ATP2C2: variants seen among roughly 807,000 people sequenced by gnomAD.
ATP2C2 encodes the protein ATPase secretory pathway Ca2+ transporting 2, also known as calcium-transporting ATPase type 2C member 2.
In ATP2C2, 171 loss-of-function variants were observed where a neutral mutation model predicts 110.8. The observed-to-expected ratio is 1.54, with a 90% CI of 1.36 to 1.75. The LOEUF is 1.75. ATP2C2 is among the 40% of genes most tolerant of loss of function. The pLI is 0.00. For synonymous variants in ATP2C2, 804 were observed against 508.4 expected (o/e 1.58, Z -7.82); for missense variants, 1,963 against 1,235.0 (o/e 1.59, Z -8.84).
intron 16 of ATP2C2, 84 bp from the exon 17 acceptor site, chr16:84,448,449 G>T: frequency 6.8e-7 from 1 of 1,471,982 alleles, no homozygotes; most frequent in South Asian, 1.4e-5. Flanking sequence ...GTGTGTCTTT[G>T]TAACCTTGTG....
intron 16 of ATP2C2, 84 bp from the exon 17 acceptor site, chr16:84,448,449 G>A (rs543572557): frequency 6.8e-7 from 1 of 1,471,982 alleles, no homozygotes; most frequent in African/African-American, 1.4e-5. Flanking sequence ...GTGTGTCTTT[G>A]TAACCTTGTG....
At chr16:84,416,890 A>G (rs1287816005) in intron 7 of ATP2C2, among the ~76,000 whole-genome samples, 3 of 150,892 alleles carry the variant, frequency 2.0e-5, no homozygotes, top group African/African-American at 4.9e-5. Flanking sequence ...CTGGGCTCAC[A>G]TTTTCCACGT....
intron 15 of ATP2C2, among the ~76,000 whole-genome samples, chr16:84,444,849 A>G (rs187042902): frequency 7.9e-5 from 12 of 152,358 alleles, no homozygotes; most frequent in Admixed American, 5.9e-4. Flanking sequence ...TGTGACAGGC[A>G]TGGGGCAAGC....
chr16:84,385,907 C>G (rs927078120), intron 1 of ATP2C2, among the ~76,000 whole-genome samples: 10 of 152,200 alleles, frequency 6.6e-5, no homozygotes, highest in African/African-American at 2.2e-4. Context: ...GGTGGGGACA[C>G]AGAGCCAGGC....
chr16:84,427,119 ACAGTAACGCACACG>A (rs1157361149), intron 11 of ATP2C2, among the ~76,000 whole-genome samples: 1 of 152,196 alleles, frequency 6.6e-6, no homozygotes, highest in Admixed American at 6.5e-5. Context: ...TGGTTCCCAG[ACAGTAACGCACACG>A]CAGCTGCTGT....
intron 11 of ATP2C2, among the ~76,000 whole-genome samples, chr16:84,434,916 C>T (rs1908604490): frequency 6.6e-6 from 1 of 152,206 alleles, no homozygotes; most frequent in Non-Finnish European, 1.5e-5. Context: ...GGATGAAAGT[C>T]CCCGTCGTAA....
intron 7 of ATP2C2, among the ~76,000 whole-genome samples, chr16:84,418,758 C>A (rs188035486): frequency 6.6e-6 from 1 of 152,342 alleles, no homozygotes; most frequent in East Asian, 1.9e-4. Flanking sequence ...CAGACTCTTC[C>A]TGGCACTGCC....
At chr16:84,423,708 C>A (rs1907557417) in intron 10 of ATP2C2, among the ~76,000 whole-genome samples, 1 of 152,270 alleles carries the variant, frequency 6.6e-6, no homozygotes, top group South Asian at 2.1e-4. Flanking sequence ...AAGGCATAGA[C>A]CAGGAAGTGG....
chr16:84,383,633 G>A (rs1462648900), intron 1 of ATP2C2, among the ~76,000 whole-genome samples: 1 of 152,060 alleles, frequency 6.6e-6, no homozygotes, highest in African/African-American at 2.4e-5. Context: ...GGGTCTCTCA[G>A]CATCGTCAGT....
intron 11 of ATP2C2, among the ~76,000 whole-genome samples, chr16:84,435,275 C>T (rs1445651449): frequency 1.3e-5 from 2 of 152,172 alleles, no homozygotes; most frequent in Admixed American, 6.5e-5. Context: ...GATTAATTGG[C>T]AGTGTTTATT....
chr16:84,447,860 T>C (rs1037750151), intron 16 of ATP2C2, among the ~76,000 whole-genome samples: 2 of 145,428 alleles, frequency 1.4e-5, no homozygotes, highest in African/African-American at 2.5e-5. Flanking sequence ...TATTTATTAA[T>C]AACATTAATA....
chr16:84,422,434 C>T lies in ATP2C2; in HGVS notation c.669C>T (p.Ala223=), dbSNP rs372288677. The T allele has an allele frequency of 5.9e-4, 954 of 1,613,960 alleles. 1 individual carries two copies. Among genetic ancestry groups the T allele is most frequent in the Non-Finnish European group, 7.5e-4 (882 of 1,180,030 alleles). ...LVDESSFTGE[A]EPCSKTDSPL... is the part of the protein sequence containing the mutation. ...ATGAATCCAGTTTCACCGGGGAAGC[C>T]GAGCCATGTAGTAAAACAGACAGCC... Residue 223 remains alanine (A), a synonymous_variant, in exon 8 of 27, where the codon GCC becomes GCT. Transcript: ENST00000262429.
chr16:84,422,299 T>A (rs2150544680), intron 7 of ATP2C2, 91 bp from the exon 8 acceptor site: 1 of 1,435,580 alleles, frequency 7.0e-7, no homozygotes, highest in Non-Finnish European at 9.5e-7. Context: ...TGAGTTCATG[T>A]CCATGAAGGT....
rs752195534 is a variant in ATP2C2 at position 84,451,980 on chromosome 16, A to G, written c.1720A>G (p.Ile574Val). 1.3e-5 allele frequency: 21 copies of G among 1,613,768 alleles called. No individual in the cohort carries two copies. Among genetic ancestry groups the G allele is most frequent in the Admixed American group, 3.3e-5 (2 of 59,976 alleles). Reference sequence around the variant, plus strand: ...GCTGACGTTTCTCGGTCTTGTGGGCATCATTGACCCCCCGAGAGTTGGCGT... The same window carrying G: ...GCTGACGTTTCTCGGTCTTGTGGGCGTCATTGACCCCCCGAGAGTTGGCGT... ...GRLTFLGLVG[I>V]IDPPRVGVKE... Residue 574 changes from isoleucine to valine, a missense_variant, in exon 18 of 27, where the codon ATC becomes GTC. Physicochemically the swap from Ile to Val is conservative, Grantham distance 29. Transcript: ENST00000262429.
At chr16:84,384,758 A>T (rs954445823) in intron 1 of ATP2C2, among the ~76,000 whole-genome samples, 7 of 152,190 alleles carry the variant, frequency 4.6e-5, no homozygotes, top group Non-Finnish European at 1.0e-4. Context: ...TGCTATAAAG[A>T]AATACCTGAA....
chr16:84,462,231 A>G, intron 26 of ATP2C2, 102 bp downstream of exon 26: 1 of 1,472,510 alleles, frequency 6.8e-7, no homozygotes, highest in East Asian at 2.3e-5. Flanking sequence ...CAGTGCGGGA[A>G]AGCAGAGCTC....
intron 9 of ATP2C2, 148 bp downstream of exon 9, chr16:84,422,845 A>T: frequency 1.2e-6 from 1 of 850,390 alleles, no homozygotes; most frequent in South Asian, 2.2e-5. Flanking sequence ...TTTTTTTTTT[A>T]ATAGAGACAG....
chr16:84,395,017 G>A (rs940946496), intron 1 of ATP2C2, among the ~76,000 whole-genome samples: 13 of 152,100 alleles, frequency 8.5e-5, no homozygotes, highest in African/African-American at 3.1e-4. Flanking sequence ...ATGCTCCACT[G>A]TCTGGATGGA....
chr16:84,395,095 C>T (rs903727495), intron 1 of ATP2C2, among the ~76,000 whole-genome samples: 2 of 152,124 alleles, frequency 1.3e-5, no homozygotes, highest in South Asian at 4.1e-4. Context: ...GTCTCGTGAA[C>T]TGTGCTGCTG....
Sources: allele counts gnomAD v4.1 joint callset (sites outside exome capture counted in the v4.1 genomes callset), GRCh38; gene constraint gnomAD v4.1.1; transcripts MANE v1.5; gene names NCBI Gene and HGNC (gene_info 2026-07-23, HGNC 2026-07-21).